SFI1: variants seen among roughly 807,000 people sequenced by gnomAD.
SFI1 encodes the protein protein SFI1 homolog.
Under a neutral mutation model 207.5 loss-of-function variants are expected in SFI1, and 195 were observed. The ratio of observed to expected loss-of-function variants is 0.94; its 90% CI spans 0.84 to 1.06. The LOEUF (loss-of-function observed/expected upper bound fraction) is 1.06. Ranked by LOEUF, SFI1 falls within the 50% of genes least tolerant of loss-of-function variation. The pLI, the probability that SFI1 is intolerant of heterozygous loss-of-function variation, is 0.00. For synonymous variants in SFI1, 630 were observed against 598.9 expected, an observed-to-expected ratio of 1.05 and a Z score of -0.76; for missense variants, 1,634 against 1,588.0, an observed-to-expected ratio of 1.03 and a Z score of -0.49.
intron 3 of SFI1, among the ~76,000 whole-genome samples, chr22:31,529,735 C>T (rs948829370): frequency 2.6e-5 from 4 of 152,152 alleles, no homozygotes; most frequent in African/African-American, 9.7e-5. Flanking sequence ...ACGGCGAGAA[C>T]AGCCACACTA....
intron 4 of SFI1, among the ~76,000 whole-genome samples, chr22:31,531,670 G>A (rs1322432614): frequency 1.3e-5 from 2 of 151,790 alleles, no homozygotes; most frequent in African/African-American, 2.4e-5. Flanking sequence ...AAGGTGGGCG[G>A]GTCACCTGAC....
chr22:31,496,275 A>C (rs554169090), upstream of SFI1: 1 of 152,412 alleles, frequency 6.6e-6, no homozygotes, highest in African/African-American at 2.4e-5. Context: ...GAGGAGCAGT[A>C]GCAAGCTGAG....
chr22:31,553,443 C>T (rs1023422687), intron 6 of SFI1, among the ~76,000 whole-genome samples: 1 of 151,412 alleles, frequency 6.6e-6, no homozygotes, highest in African/African-American at 2.4e-5. Flanking sequence ...GCAACCTCGA[C>T]CTCCCGGGTT....
At chr22:31,515,460 T>C (rs911561004) in intron 2 of SFI1, among the ~76,000 whole-genome samples, 45 of 150,582 alleles carry the variant, frequency 3.0e-4, no homozygotes, top group African/African-American at 1.0e-3. Flanking sequence ...CAATCCTCCT[T>C]CCTCAGCCTC....
chr22:31,602,853 A>G (rs765811128), intron 17 of SFI1, 68 bp downstream of exon 17: 96 of 1,535,666 alleles, frequency 6.3e-5, no homozygotes, highest in Non-Finnish European at 8.0e-5. Flanking sequence ...TAGCAGCACC[A>G]TGAGCTCCAA....
At chr22:31,522,509 C>T (rs540759328) in intron 2 of SFI1, among the ~76,000 whole-genome samples, 1 of 152,274 alleles carries the variant, frequency 6.6e-6, no homozygotes, top group East Asian at 1.9e-4. Context: ...CCTACCCTAA[C>T]CCTTTATAAC....
intron 2 of SFI1, among the ~76,000 whole-genome samples, chr22:31,522,799 G>A (rs1486737152): frequency 1.3e-5 from 2 of 152,114 alleles, no homozygotes; most frequent in Non-Finnish European, 2.9e-5. Context: ...AGGACTACAG[G>A]CGTGTGCCAC....
intron 24 of SFI1, chr22:31,612,795 TA>T: frequency 4.0e-6 from 1 of 251,914 alleles, no homozygotes; most frequent in Non-Finnish European, 7.6e-6. Flanking sequence ...TCTTGCTTTT[TA>T]AAAAGCCAAG....
At chr22:31,538,289 A>T in intron 4 of SFI1, 1 of 143,492 alleles carries the variant, frequency 7.0e-6, no homozygotes. Flanking sequence ...TTTTTTAAGT[A>T]CAATTTCCAT....
At chr22:31,563,542 C>CAG (rs2061944361) in intron 8 of SFI1, among the ~76,000 whole-genome samples, 3 of 152,158 alleles carry the variant, frequency 2.0e-5, no homozygotes, top group Middle Eastern at 3.4e-3. Flanking sequence ...ACTGATGCTA[C>CAG]TGTTGCTCAG....
At chr22:31,572,633 C>A (rs1188310858) in intron 8 of SFI1, 1 of 155,768 alleles carries the variant, frequency 6.4e-6, no homozygotes, top group Admixed American at 6.3e-5. Flanking sequence ...TCCTGAGTAG[C>A]TGGGATTATA....
At chr22:31,617,118 G>GC in intron 31 of SFI1, 40 bp downstream of exon 31, 1 of 1,605,286 alleles carries the variant, frequency 6.2e-7, no homozygotes. Context: ...GGCTACAGGA[G>GC]CAGGTGTTGC....
In SFI1 at chr22:31,578,290, C is replaced by T. The variant is rs1325259106; in HGVS notation, c.1085-92C>T. The T allele has an allele frequency of 1.8e-5, 23 of 1,275,184 alleles. No individual in the cohort carries two copies. In the South Asian group the frequency reaches 2.4e-4, roughly 14 times the overall value. 79.0% of individuals were successfully genotyped at this position (1,275,184 alleles called of 1,614,324 possible). On this transcript the variant is annotated intron_variant, in intron 10 of 32. Transcript: ENST00000400288. ...GCCCACCTGGCACGTGTGTTATCCC[C>T]GATAGCCACGGCCCTTCAAGGTGGC...
intron 15 of SFI1, 96 bp from the exon 16 acceptor site, chr22:31,602,116 A>T: frequency 9.4e-7 from 1 of 1,060,976 alleles, no homozygotes; most frequent in Non-Finnish European, 1.5e-6. Flanking sequence ...ATAGCATGGT[A>T]TAAAAGGAAA....
rs189484456 is a variant in SFI1, at chr22:31,596,627, C to T, written c.1545-5585C>T. On this transcript the variant is annotated intron_variant, in intron 15 of 32. Coordinates refer to ENST00000400288, the MANE Select transcript of SFI1 (RefSeq NM_001007467.3). ...CCAACATGGCAAAACCCCATCTCTACTAAAAATACAAAAATTGGCCAGGCA... is the reference window on the plus strand; with the variant it reads ...CCAACATGGCAAAACCCCATCTCTATTAAAAATACAAAAATTGGCCAGGCA... 7.1e-4 allele frequency among the ~76,000 whole-genome samples: 108 copies of T among 151,972 alleles called. No homozygotes were observed. The East Asian group carries it at 0.012, about 17-fold the overall frequency.
intron 22 of SFI1, among the ~76,000 whole-genome samples, chr22:31,610,231 T>C (rs1055463144): frequency 2.6e-5 from 4 of 152,148 alleles, no homozygotes; most frequent in African/African-American, 9.7e-5. Flanking sequence ...GCTGAAGAAG[T>C]ACAGGCTGGC....
chr22:31,501,919 G>GA (rs2053846856), intron 1 of SFI1, among the ~76,000 whole-genome samples: 1 of 152,098 alleles, frequency 6.6e-6, no homozygotes, highest in African/African-American at 2.4e-5. Context: ...AAGCACATTA[G>GA]CTTCATTGAC....
chr22:31,572,920 C>T (rs1365695494), intron 8 of SFI1, 138 bp from the exon 9 acceptor site: 2 of 799,056 alleles, frequency 2.5e-6, no homozygotes, highest in Non-Finnish European at 4.0e-6. Context: ...AGCTTATCAT[C>T]CTGCTAGGGG....
intron 8 of SFI1, among the ~76,000 whole-genome samples, chr22:31,563,816 C>T (rs573504921): frequency 1.4e-4 from 21 of 151,816 alleles, no homozygotes; most frequent in South Asian, 2.1e-4. Flanking sequence ...AACTCCTGAC[C>T]GCAAGTGATC....
Sources: allele counts gnomAD v4.1 joint callset (sites outside exome capture counted in the v4.1 genomes callset), GRCh38; gene constraint gnomAD v4.1.1; transcripts MANE v1.5; gene names NCBI Gene and HGNC (gene_info 2026-07-23, HGNC 2026-07-21).